Variants in SERPINB9 observed in about 807,000 individuals in gnomAD.
The protein encoded by SERPINB9 is serpin family B member 9.
In SERPINB9, 20 loss-of-function variants were observed where a neutral mutation model predicts 27.2. The ratio of observed to expected loss-of-function variants is 0.74; its 90% CI spans 0.52 to 1.07. The LOEUF is 1.07. Ranked by LOEUF, SERPINB9 falls within the 50% of genes least tolerant of loss-of-function variation. SERPINB9 has a pLI of 0.00. For synonymous variants in SERPINB9, 189 were observed against 180.0 expected (o/e 1.05, Z -0.40); for missense variants, 476 against 460.1 (o/e 1.03, Z -0.32).
intron 1 of SERPINB9, among the ~76,000 whole-genome samples, chr6:2,902,907 C>T (rs1292998661): frequency 6.6e-6 from 1 of 152,206 alleles, no homozygotes; most frequent in Non-Finnish European, 1.5e-5. Flanking sequence ...GAACACAGGG[C>T]CGGCAGGTGG....
In SERPINB9 at chr6:2,888,942, C is replaced by T. The variant is rs1767682809; in HGVS notation, c.*1221G>A. On this transcript the variant is annotated 3_prime_UTR_variant, in exon 7 of 7. Transcript: ENST00000380698. ...TATATAATCAACTTACTTATTACTG[C>T]ACTATGAGGGGCACCCAGATATGTA... The T allele has an allele frequency of 6.6e-6, 1 of 151,880 alleles. No individual in the cohort carries two copies. The highest frequency in any genetic ancestry group is 1.5e-5 in the Non-Finnish European group (1 of 68,028). The allele number at this position is 151,880 out of a possible 1,614,324, so 9.4% of individuals were successfully genotyped here.
rs534633299 is a variant in SERPINB9, at chr6:2,887,609, G to A, written c.*2554C>T. 1.3e-5 allele frequency: 2 copies of A among 152,302 alleles called. No homozygotes were observed. The highest frequency in any genetic ancestry group is 6.5e-5 in the Admixed American group (1 of 15,304). The allele number at this position is 152,302 out of a possible 1,614,324, so 9.4% of individuals were successfully genotyped here. A position where few individuals can be genotyped will look rare whatever the true frequency, so the allele number is the denominator to read the frequency against. On this transcript the variant is annotated 3_prime_UTR_variant, in exon 7 of 7. Coordinates refer to ENST00000380698, the MANE Select transcript of SERPINB9 (RefSeq NM_004155.6). ...TGCCTGTAATCCTAGCACTTTGGGA[G>A]GCTGAGGTAGGCGGATCGCTTGAGG...
intron 3 of SERPINB9, 50 bp from the exon 4 acceptor site, chr6:2,895,558 C>A: frequency 8.6e-7 from 1 of 1,157,160 alleles, no homozygotes; most frequent in South Asian, 1.3e-5. Flanking sequence ...ATACAAATGT[C>A]AGCAAACTTC....
rs962197743 is a variant in SERPINB9 at position 2,892,575 on chromosome 6, G to T, written c.568-587C>A. Among the ~76,000 whole-genome samples the T allele has an allele frequency of 9.2e-5, 14 of 152,106 alleles. 1 individual carries two copies. Among genetic ancestry groups the T allele is most frequent in the Admixed American group, 7.8e-4 (12 of 15,288 alleles). ...ACAGAAGAGGCATAAGCACATAGAA[G>T]CTCAGCAAAGTATTACATTTATTAA... On this transcript the variant is annotated intron_variant, in intron 5 of 6. Transcript: ENST00000380698.
chr6:2,891,763 G>A lies in SERPINB9; in HGVS notation c.723+70C>T. On this transcript the variant is annotated intron_variant, in intron 6 of 6. Coordinates refer to ENST00000380698, the MANE Select transcript of SERPINB9 (RefSeq NM_004155.6). This position sits in a 1 kb window ranked among gnomAD's most constrained non-coding sequence, Gnocchi z 4.0. Reference sequence around the variant, plus strand: ...TCGCCAACTCAGAAGGTGAATATGAGAGGTGGAAGTGGCACTCGAGTTCTG... The same window carrying A: ...TCGCCAACTCAGAAGGTGAATATGAAAGGTGGAAGTGGCACTCGAGTTCTG... 6.7e-7 allele frequency: 1 copy of A among 1,502,338 alleles called. No individual in the cohort carries two copies. Among genetic ancestry groups the A allele is most frequent in the Non-Finnish European group, 8.9e-7 (1 of 1,126,656 alleles). The allele number at this position is 1,502,338 out of a possible 1,614,324, so 93.1% of individuals were successfully genotyped here.
chr6:2,896,334 A>C lies in SERPINB9; in HGVS notation c.169-144T>G, dbSNP rs956057467. 1.5e-5 allele frequency: 9 copies of C among 592,280 alleles called. No homozygotes were observed. The Admixed American group carries it at 3.0e-4, about 20-fold the overall frequency. 36.7% of individuals were successfully genotyped at this position (592,280 alleles called of 1,614,324 possible). ...TCGCTTGTTTAAAGATCAGTAACAC[A>C]CAAAAAATGACAAGGGTGAGAAAAG... On this transcript the variant is annotated intron_variant, in intron 2 of 6. Coordinates refer to ENST00000380698, the MANE Select transcript of SERPINB9 (RefSeq NM_004155.6).
chr6:2,893,423 A>G lies in SERPINB9; in HGVS notation c.555T>C (p.Phe185=). 1 of 1,605,628 alleles carries G rather than the reference A, an allele frequency of 6.2e-7. No homozygotes were observed. Among genetic ancestry groups the G allele is most frequent in the South Asian group, 1.1e-5 (1 of 89,622 alleles). The change falls in exon 5 of 7, where the codon TTT becomes TTC. Residue 185 remains phenylalanine, a synonymous_variant. Transcript: ENST00000380698. ...AAGCTTCCCCCACCTGGTTTATTTTAAAGGGCATTTCCCTTGTGTATGTTT... is the reference window on the plus strand; with the variant it reads ...AAGCTTCCCCCACCTGGTTTATTTTGAAGGGCATTTCCCTTGTGTATGTTT... ...FDETYTREMP[F]KINQEEQRPV...
chr6:2,900,709 C>CA (rs1768169386), intron 1 of SERPINB9, 88 bp from the exon 2 acceptor site: 1 of 1,184,464 alleles, frequency 8.4e-7, no homozygotes, highest in Admixed American at 2.3e-5. Flanking sequence ...TGGAATCGTA[C>CA]TTTTTGTTTT....
chr6:2,892,106 A>T (rs1395343134), intron 5 of SERPINB9, 118 bp from the exon 6 acceptor site: 1 of 39,026 alleles, frequency 2.6e-5, no homozygotes, highest in South Asian at 2.7e-4. Context: ...AGTTAACACT[A>T]AAAAAAAAAA....
At position 2,902,469 on chromosome 6, in the gene SERPINB9, G is replaced by A. The variant is rs1768237848; in HGVS notation, c.-11+732C>T. On this transcript the variant is annotated intron_variant, in intron 1 of 6. Transcript: ENST00000380698. ...TAAGAGTGCTCAGATTTGAAACTCC[G>A]AGACTGGTGGCTTTATTTTTTTGTT... is the stretch of plus-strand genomic sequence containing the variant. 2.0e-5 allele frequency among the ~76,000 whole-genome samples: 3 copies of A among 152,308 alleles called. No individual in the cohort carries two copies. The South Asian group carries it at 6.2e-4, about 32-fold the overall frequency.
Position 2,889,002 on chromosome 6 carries a change from ATC to A in SERPINB9, c.*1159_*1160del, listed in dbSNP as rs1234244418. ...CCCAACCTTTGGTTGTTGGAGGACT[ATC>A]TAAGGATACAGAGATTAATAAAAAT... On this transcript the variant is annotated 3_prime_UTR_variant, in exon 7 of 7. Transcript: ENST00000380698. 1 of 152,220 alleles carries A rather than the reference ATC, an allele frequency of 6.6e-6. No homozygotes were observed. Among genetic ancestry groups the A allele is most frequent in the African/African-American group, 2.4e-5 (1 of 41,448 alleles). The allele number at this position is 152,220 out of a possible 1,614,324, so 9.4% of individuals were successfully genotyped here.
At position 2,889,951 on chromosome 6, in the gene SERPINB9, T is replaced by C; in HGVS notation, c.*212A>G. 1 of 462,088 alleles carries C rather than the reference T, an allele frequency of 2.2e-6. No individual in the cohort carries two copies. Among genetic ancestry groups the C allele is most frequent in the Non-Finnish European group, 3.8e-6 (1 of 262,054 alleles). 28.6% of individuals were successfully genotyped at this position (462,088 alleles called of 1,614,324 possible). A position where few individuals can be genotyped will look rare whatever the true frequency, so the allele number is the denominator to read the frequency against. On this transcript the variant is annotated 3_prime_UTR_variant, in exon 7 of 7. Transcript: ENST00000380698. ...ACTGCAATTTTAATACAACAGGGAATCATTATGGTCTATTTTCTCAAGATT... is the reference window on the plus strand; with the variant it reads ...ACTGCAATTTTAATACAACAGGGAACCATTATGGTCTATTTTCTCAAGATT...
intron 2 of SERPINB9, among the ~76,000 whole-genome samples, chr6:2,898,652 C>T (rs1465950100): frequency 6.6e-6 from 1 of 151,940 alleles, no homozygotes; most frequent in Non-Finnish European, 1.5e-5. Context: ...CCTGTCTCTA[C>T]TAAAAATAAA....
intron 2 of SERPINB9, among the ~76,000 whole-genome samples, chr6:2,897,283 T>C (rs765087802): frequency 3.3e-5 from 5 of 152,134 alleles, no homozygotes; most frequent in Non-Finnish European, 7.3e-5. Context: ...CTGGCCAAGA[T>C]GGCGAAATCC....
intron 5 of SERPINB9, among the ~76,000 whole-genome samples, chr6:2,893,188 A>ATAATATATATATAG: frequency 3.8e-5 from 1 of 26,034 alleles, no homozygotes; most frequent in Non-Finnish European, 8.6e-5. Context: ...AAAACACTAC[A>ATAATATATATATAG]TATATATATA....
At position 2,894,645 on chromosome 6, in the gene SERPINB9, C is replaced by T. The variant is rs1767932331; in HGVS notation, c.424+746G>A. Among the ~76,000 whole-genome samples the T allele has an allele frequency of 6.6e-6, 1 of 152,232 alleles. No homozygotes were observed. The highest frequency in any genetic ancestry group is 6.5e-5 in the Admixed American group (1 of 15,288). On this transcript the variant is annotated intron_variant, in intron 4 of 6. Coordinates refer to ENST00000380698, the MANE Select transcript of SERPINB9 (RefSeq NM_004155.6). The surrounding 1 kb of genome is among the most constrained non-coding windows in gnomAD (Gnocchi z 4.7). ...CAGGCAAGATCTGTCCACCAATCTCCTTCTCGCAGAGACAATGGAGTCACC... is the reference window on the plus strand; with the variant it reads ...CAGGCAAGATCTGTCCACCAATCTCTTTCTCGCAGAGACAATGGAGTCACC...
At chr6:2,893,611 G>A in intron 4 of SERPINB9, 58 bp from the exon 5 acceptor site, 2 of 1,414,760 alleles carry the variant, frequency 1.4e-6, no homozygotes, top group Non-Finnish European at 2.0e-6. Context: ...TGATGCATTG[G>A]ATGATCCTGG....
intron 2 of SERPINB9, among the ~76,000 whole-genome samples, chr6:2,899,343 A>T (rs1768113335): frequency 6.6e-6 from 1 of 152,190 alleles, no homozygotes; most frequent in Admixed American, 6.5e-5. Flanking sequence ...CAACTATCAC[A>T]AAGGACTCTA....
chr6:2,890,709 A>T lies in SERPINB9; in HGVS notation c.724-139T>A. On this transcript the variant is annotated intron_variant, in intron 6 of 6. Transcript: ENST00000380698. The surrounding 1 kb of genome is among the most constrained non-coding windows in gnomAD (Gnocchi z 6.2). ...GATCAGTGGCCCCTTCATCTGCCAG[A>T]AGCTTGTGAGCACTCTTACTTGTCC... 1 of 791,366 alleles carries T rather than the reference A, an allele frequency of 1.3e-6. No homozygotes were observed. The highest frequency in any genetic ancestry group is 2.0e-6 in the Non-Finnish European group (1 of 499,766). 49.0% of individuals were successfully genotyped at this position (791,366 alleles called of 1,614,324 possible).
Sources: gnomAD v4.1 joint callset for allele counts (sites outside exome capture counted in the v4.1 genomes callset) on GRCh38, gnomAD v4.1.1 for gene constraint, Gnocchi (gnomAD v3.1) non-coding constraint, MANE v1.5 for transcripts, NCBI Gene and HGNC (gene_info 2026-07-23, HGNC 2026-07-21) for gene names.